The following PPP2R5B variants were observed in gnomAD, a reference collection of about 807,000 sequenced individuals.
The protein encoded by PPP2R5B is serine/threonine-protein phosphatase 2A 56 kDa regulatory subunit beta isoform.
A neutral mutation model predicts 59.9 loss-of-function variants in PPP2R5B; 19 were observed. The observed-to-expected ratio is 0.32, with a 90% CI of 0.22 to 0.47. The LOEUF (loss-of-function observed/expected upper bound fraction) is 0.47. Among genes scored for constraint, PPP2R5B ranks in the 20% least tolerant of loss-of-function variants. PPP2R5B has a pLI of 1.00. For missense variants in PPP2R5B, 441 were observed against 640.2 expected (o/e 0.69, Z 3.36); for synonymous variants, 286 against 260.5 (o/e 1.10, Z -0.94).
Position 64,926,725 on chromosome 11 carries a change from C to T in PPP2R5B, c.213C>T (p.Ser71=), listed in dbSNP as rs774626071. 5.0e-6 allele frequency: 8 copies of T among 1,614,042 alleles called. No homozygotes were observed. Among genetic ancestry groups the T allele is most frequent in the East Asian group, 4.5e-5 (2 of 44,864 alleles). ...TCTCCTCCCCAGATGTGCCGGCTTCCGAGCTGCACGAGCTGCTGAGCCGGA... is the reference window on the plus strand; with the variant it reads ...TCTCCTCCCCAGATGTGCCGGCTTCTGAGCTGCACGAGCTGCTGAGCCGGA... ...PLPLLKDVPA[S]ELHELLSRKL... The change falls in exon 3 of 14, where the codon TCC becomes TCT. Residue 71 remains serine, a synonymous_variant. Coordinates refer to ENST00000164133, the MANE Select transcript of PPP2R5B (RefSeq NM_006244.4).
rs780065724 is a variant in PPP2R5B at position 64,933,193 on chromosome 11, G to T, written c.1293G>T (p.Met431Ile). The change falls in exon 13 of 14, where the codon ATG (methionine) becomes ATT (isoleucine). Residue 431 changes from methionine (M) to isoleucine (I), a missense_variant. Transcript: ENST00000164133. Reference protein sequence around the residue: ...IYNVLKTFMEMNGKLFDELTA... With the variant: ...IYNVLKTFMEINGKLFDELTA... ...ATGTGCTCAAGACCTTCATGGAGAT[G>T]AATGGGAAGCTGTTTGATGAGCTCA... 3.1e-6 allele frequency: 5 copies of T among 1,613,618 alleles called. No individual in the cohort carries two copies. The Admixed American group carries it at 5.0e-5, about 16-fold the overall frequency.
At chr11:64,933,606 G>T in intron 13 of PPP2R5B, 91 bp from the exon 14 acceptor site, 2 of 1,430,518 alleles carry the variant, frequency 1.4e-6, no homozygotes, top group Non-Finnish European at 1.9e-6. Context: ...TCCCTTTGCC[G>T]GTGGGGTGGT....
chr11:64,931,967 T>A lies in PPP2R5B; in HGVS notation c.1116+99T>A. The A allele has an allele frequency of 6.6e-7, 1 of 1,521,688 alleles. No homozygotes were observed. Among genetic ancestry groups the A allele is most frequent in the Non-Finnish European group, 8.8e-7 (1 of 1,133,580 alleles). The allele number at this position is 1,521,688 out of a possible 1,614,324, so 94.3% of individuals were successfully genotyped here. A position where few individuals can be genotyped will look rare whatever the true frequency, so the allele number is the denominator to read the frequency against. ...CCTTTGCCCTCAGTTTCTCCTCCAA[T>A]CCCGGGTCTGGTAATGGGGAGATGC... On this transcript the variant is annotated intron_variant, in intron 11 of 13. Coordinates refer to ENST00000164133, the MANE Select transcript of PPP2R5B (RefSeq NM_006244.4). The surrounding 1 kb of genome is among the most constrained non-coding windows in gnomAD (Gnocchi z 5.0).
chr11:64,924,267 G>A (rs1460152210), upstream of PPP2R5B: 2 of 152,406 alleles, frequency 1.3e-5, no homozygotes, highest in Admixed American at 1.3e-4. Flanking sequence ...GTTTCCAAGG[G>A]GTTTCTGAAG....
In PPP2R5B at chr11:64,930,614, G is replaced by A. The variant is rs911241802; in HGVS notation, c.891+25G>A. 1.2e-5 allele frequency: 19 copies of A among 1,592,702 alleles called. No homozygotes were observed. In the Middle Eastern group the frequency reaches 5.0e-4, roughly 42 times the overall value. ...GGTGAGGCCCAGGCCTGTCCCTGCTGCAGCAGGAGCTCCAGACAGTCAGGG... is the reference window on the plus strand; with the variant it reads ...GGTGAGGCCCAGGCCTGTCCCTGCTACAGCAGGAGCTCCAGACAGTCAGGG... On this transcript the variant is annotated intron_variant, in intron 8 of 13. Coordinates refer to ENST00000164133, the MANE Select transcript of PPP2R5B (RefSeq NM_006244.4).
upstream of PPP2R5B, among the ~76,000 whole-genome samples, chr11:64,921,290 G>C (rs1945108139): frequency 6.6e-6 from 1 of 150,876 alleles, no homozygotes; most frequent in Non-Finnish European, 1.5e-5. Context: ...CACTGGCCCT[G>C]GGCACTGCAT....
Position 64,931,901 on chromosome 11 carries a change from G to A in PPP2R5B, c.1116+33G>A, listed in dbSNP as rs1049249586. 6.2e-7 allele frequency: 1 copy of A among 1,607,246 alleles called. No individual in the cohort carries two copies. Among genetic ancestry groups the A allele is most frequent in the East Asian group, 2.2e-5 (1 of 44,808 alleles). Reference sequence around the variant, plus strand: ...GCAGGACAGGCGGGGATGGGAGCAGGGCTGGCCTGGAAAGGTTGGGTAGCT... The same window carrying A: ...GCAGGACAGGCGGGGATGGGAGCAGAGCTGGCCTGGAAAGGTTGGGTAGCT... On this transcript the variant is annotated intron_variant, in intron 11 of 13. Coordinates refer to ENST00000164133, the MANE Select transcript of PPP2R5B (RefSeq NM_006244.4). This position sits in a 1 kb window ranked among gnomAD's most constrained non-coding sequence, Gnocchi z 5.0.
In PPP2R5B at chr11:64,933,166, C is replaced by T. The variant is rs757649204; in HGVS notation, c.1266C>T (p.Tyr422=). 6.2e-7 allele frequency: 1 copy of T among 1,612,546 alleles called. No individual in the cohort carries two copies. The highest frequency in any genetic ancestry group is 8.5e-7 in the Non-Finnish European group (1 of 1,178,808). The change falls in exon 13 of 14, where the codon TAC becomes TAT. Residue 422 remains tyrosine, a synonymous_variant. Transcript: ENST00000164133. ...CAAGAACCATCGTATCACTGATCTA[C>T]AATGTGCTCAAGACCTTCATGGAGA... ...HWNQTIVSLI[Y]NVLKTFMEMN...
Position 64,933,269 on chromosome 11 carries a change from G to C in PPP2R5B, c.1346+23G>C, listed in dbSNP as rs756592350. ...GCAGTGAGTGTTGGGGGCTGGGCGT[G>C]GGGGAAGGGAGAAGAGCAGGGAGGA... On this transcript the variant is annotated intron_variant, in intron 13 of 13. Coordinates refer to ENST00000164133, the MANE Select transcript of PPP2R5B (RefSeq NM_006244.4). The C allele has an allele frequency of 1.9e-6, 3 of 1,567,682 alleles. No individual in the cohort carries two copies. The South Asian group carries it at 3.3e-5, about 17-fold the overall frequency.
chr11:64,928,282 C>G lies in PPP2R5B; in HGVS notation c.592-13C>G. On this transcript the variant is annotated splice_polypyrimidine_tract_variant and intron_variant, in intron 5 of 13. Transcript: ENST00000164133. ...CCTGACCCTGACCCTGACCCTGACT[C>G]TGGTTCCCACAGCTCCTGGAGCTAT... The G allele has an allele frequency of 6.2e-7, 1 of 1,613,506 alleles. No individual in the cohort carries two copies. The highest frequency in any genetic ancestry group is 1.1e-5 in the South Asian group (1 of 91,014).
rs781205992 is a variant in PPP2R5B, at chr11:64,925,859, G to A, written c.125G>A (p.Arg42His). Reference protein sequence around the residue: ...SRRSLRRARPRRSHSSSQFRY... With the variant: ...SRRSLRRARPHRSHSSSQFRY... Reference sequence around the variant, plus strand: ...CGTTCCCTCCGCAGAGCCCGGCCCCGCCGCTCCCACAGCTCCTCTCAGTTC... The same window carrying A: ...CGTTCCCTCCGCAGAGCCCGGCCCCACCGCTCCCACAGCTCCTCTCAGTTC... The change falls in exon 2 of 14, where the codon CGC (arginine) becomes CAC (histidine). Residue 42 changes from arginine to histidine, a missense_variant. Transcript: ENST00000164133. The surrounding 1 kb of genome is among the most constrained non-coding windows in gnomAD (Gnocchi z 4.6). 11 of 1,596,676 alleles carry A rather than the reference G, an allele frequency of 6.9e-6. No individual in the cohort carries two copies. The highest frequency in any genetic ancestry group is 1.7e-5 in the Admixed American group (1 of 59,232).
Position 64,933,904 on chromosome 11 carries a change from CTGT to C in PPP2R5B, c.*61_*63del. The C allele has an allele frequency of 6.9e-7, 1 of 1,439,544 alleles. No homozygotes were observed. The allele number at this position is 1,439,544 out of a possible 1,614,324, so 89.2% of individuals were successfully genotyped here. ...GCTGTCAGTCCCTCTATCCCTTCTC[CTGT>C]CCAGGGGCCCAGAGAGAAACACACC... On this transcript the variant is annotated 3_prime_UTR_variant, in exon 14 of 14. Transcript: ENST00000164133.
chr11:64,933,398 T>C, intron 13 of PPP2R5B, 152 bp downstream of exon 13: 1 of 738,504 alleles, frequency 1.4e-6, no homozygotes, highest in Admixed American at 2.3e-5. Flanking sequence ...CCTGACTGTC[T>C]GCCCCTGTAT....
intron 3 of PPP2R5B, 126 bp from the exon 4 acceptor site, chr11:64,927,676 C>T: frequency 2.7e-6 from 2 of 736,062 alleles, no homozygotes; most frequent in Admixed American, 2.6e-5. Context: ...CACTGCGCTC[C>T]AGCTTGGGCA....
rs1229480114 is a variant in PPP2R5B at position 64,927,195 on chromosome 11, G to A, written c.396+287G>A. On this transcript the variant is annotated intron_variant, in intron 3 of 13. Coordinates refer to ENST00000164133, the MANE Select transcript of PPP2R5B (RefSeq NM_006244.4). ...GTGCCGCCTCTGCCAAGAAGCCGCT[G>A]TCAATAACCAAGCTGGAAATCTCCC... is the stretch of plus-strand genomic sequence containing the variant. Among the ~76,000 whole-genome samples the A allele has an allele frequency of 2.6e-5, 4 of 152,194 alleles. No individual in the cohort carries two copies. In the East Asian group the frequency reaches 5.8e-4, roughly 22 times the overall value.
chr11:64,920,781 C>T (rs920233994), upstream of PPP2R5B, among the ~76,000 whole-genome samples: 1 of 151,676 alleles, frequency 6.6e-6, no homozygotes. Context: ...AGGCGTGCAC[C>T]ACCACGCCTG....
chr11:64,933,939 T>C lies in PPP2R5B; in HGVS notation c.*95T>C. 7.3e-7 allele frequency: 1 copy of C among 1,371,312 alleles called. No individual in the cohort carries two copies. Among genetic ancestry groups the C allele is most frequent in the Non-Finnish European group, 9.5e-7 (1 of 1,049,502 alleles). 84.9% of individuals were successfully genotyped at this position (1,371,312 alleles called of 1,614,324 possible). ...GCCCAGAGAGAAACACACCTACCCC[T>C]GGCCTTGCCAGAGTGGCTTCTGAGG... On this transcript the variant is annotated 3_prime_UTR_variant, in exon 14 of 14. Transcript: ENST00000164133.
rs1403082437 is a variant in PPP2R5B, at chr11:64,934,196, C to T, written c.*352C>T. The T allele has an allele frequency of 3.7e-5, 10 of 273,282 alleles. No homozygotes were observed. Among genetic ancestry groups the T allele is most frequent in the Non-Finnish European group, 6.2e-5 (9 of 145,910 alleles). 16.9% of individuals were successfully genotyped at this position (273,282 alleles called of 1,614,324 possible). A position where few individuals can be genotyped will look rare whatever the true frequency, so the allele number is the denominator to read the frequency against. On this transcript the variant is annotated 3_prime_UTR_variant, in exon 14 of 14. Coordinates refer to ENST00000164133, the MANE Select transcript of PPP2R5B (RefSeq NM_006244.4). ...CACTCAGCGCCTCGCCTGCCCCTGC[C>T]TTGGCCAATGCGAGGTCCTTCCTTA...
chr11:64,933,096 G>T, intron 12 of PPP2R5B, 49 bp from the exon 13 acceptor site: 1 of 1,541,604 alleles, frequency 6.5e-7, no homozygotes. Context: ...GGGAGAGGTG[G>T]GCAAACCAAA....
Sources: gnomAD v4.1 joint callset for allele counts (sites outside exome capture counted in the v4.1 genomes callset) on GRCh38, gnomAD v4.1.1 for gene constraint, Gnocchi (gnomAD v3.1) non-coding constraint, MANE v1.5 for transcripts, NCBI Gene and HGNC (gene_info 2026-07-23, HGNC 2026-07-21) for gene names.